The following MPP7 variants were observed in gnomAD, a reference collection of about 807,000 sequenced individuals.
MPP7 encodes the protein MAGUK p55 scaffold protein 7.
MPP7 carries 60 observed loss-of-function variants against 76.5 expected under a neutral mutation model. That is an observed-to-expected ratio of 0.78 (90% CI 0.64 to 0.97). The LOEUF (loss-of-function observed/expected upper bound fraction) is 0.97, where lower values mean the gene tolerates loss of function less well. Among genes scored for constraint, MPP7 ranks in the 50% least tolerant of loss-of-function variants. MPP7 has a pLI of 0.00. For synonymous variants in MPP7, 237 were observed against 244.5 expected (o/e 0.97, Z 0.29); for missense variants, 641 against 694.0 (o/e 0.92, Z 0.86).
chr10:28,155,470 G>A (rs1444598129), intron 3 of MPP7, among the ~76,000 whole-genome samples: 1 of 151,852 alleles, frequency 6.6e-6, no homozygotes, highest in Non-Finnish European at 1.5e-5. Context: ...TACACCTGTA[G>A]TCCCAGCTAC....
chr10:28,147,567 C>G lies in MPP7; in HGVS notation c.235-4G>C. ...TGTTCTGAAGCTCTTCGGCCAGCTG[C>G]AACGGAGATTACATTGACTTAAAGA... On this transcript the variant is annotated splice_region_variant and splice_polypyrimidine_tract_variant and intron_variant, in intron 4 of 16. Transcript: ENST00000683449. 1 of 1,613,618 alleles carries G rather than the reference C, an allele frequency of 6.2e-7. No individual in the cohort carries two copies. The highest frequency in any genetic ancestry group is 1.1e-5 in the South Asian group (1 of 91,072).
intron 11 of MPP7, among the ~76,000 whole-genome samples, chr10:28,107,228 T>C (rs1228218896): frequency 6.6e-6 from 1 of 152,134 alleles, no homozygotes; most frequent in Non-Finnish European, 1.5e-5. Flanking sequence ...CTACCTGGAA[T>C]TACAGCTAAC....
intron 1 of MPP7, among the ~76,000 whole-genome samples, chr10:28,265,445 G>T (rs1219457878): frequency 6.6e-6 from 1 of 152,124 alleles, no homozygotes; most frequent in African/African-American, 2.4e-5. Flanking sequence ...TGTAGTCCCA[G>T]CTGCTTGGGA....
chr10:28,102,699 C>T (rs1853881247), intron 11 of MPP7, among the ~76,000 whole-genome samples: 1 of 152,192 alleles, frequency 6.6e-6, no homozygotes, highest in African/African-American at 2.4e-5. Context: ...ATACACCCAT[C>T]CTTGGTTTGC....
chr10:28,194,991 T>A (rs1837534799), intron 3 of MPP7, among the ~76,000 whole-genome samples: 1 of 152,198 alleles, frequency 6.6e-6, no homozygotes. Context: ...ATCTGTACCA[T>A]CTGCTCAATT....
At chr10:28,129,800 T>C (rs570549369) in intron 6 of MPP7, among the ~76,000 whole-genome samples, 189 of 152,236 alleles carry the variant, frequency 1.2e-3, no homozygotes, top group Admixed American at 2.0e-3. Flanking sequence ...TATAAATCCC[T>C]TGGGATTCAG....
At chr10:28,059,555 A>G (rs1179130297) in intron 14 of MPP7, 95 bp downstream of exon 14, 1 of 697,382 alleles carries the variant, frequency 1.4e-6, no homozygotes, top group East Asian at 2.7e-5. Context: ...TAATTAAAAT[A>G]CACTTCAAAT....
At position 28,125,052 on chromosome 10, in the gene MPP7, T is replaced by C; in HGVS notation, c.487A>G (p.Ile163Val). 6.2e-7 allele frequency: 1 copy of C among 1,614,086 alleles called. No homozygotes were observed. Among genetic ancestry groups the C allele is most frequent in the Non-Finnish European group, 8.5e-7 (1 of 1,179,974 alleles). The change falls in exon 7 of 17, where the codon ATT (isoleucine) becomes GTT (valine). Residue 163 changes from isoleucine to valine, a missense_variant. Ile to Val is a conservative substitution (Grantham distance 29). Coordinates refer to ENST00000683449, the MANE Select transcript of MPP7 (RefSeq NM_001318170.2). ...CCTCCTCTCATGATTCTGGCCACAA[T>C]GATCGCCCCGGTCTGTTCATCCTTC... ...IKKDEQTGAI[I>V]VARIMRGGAA...
At chr10:28,234,583 A>G (rs754545868) in intron 2 of MPP7, among the ~76,000 whole-genome samples, 3 of 152,170 alleles carry the variant, frequency 2.0e-5, no homozygotes, top group Non-Finnish European at 2.9e-5. Context: ...CAACAGTTAT[A>G]AATCGAGTTG....
In MPP7 at chr10:28,146,287, T is replaced by C. The variant is rs918262498; in HGVS notation, c.315+1196A>G. On this transcript the variant is annotated intron_variant, in intron 5 of 16. Coordinates refer to ENST00000683449, the MANE Select transcript of MPP7 (RefSeq NM_001318170.2). The stretch of plus-strand genomic sequence containing the variant: ...AACTTCCTAAACCACTACAAATCAA[T>C]TACCCTCACATCATTAATCATAGCC... Among the ~76,000 whole-genome samples, 6 of 152,208 alleles carry C rather than the reference T, an allele frequency of 3.9e-5. No individual in the cohort carries two copies. In the East Asian group the frequency reaches 1.2e-3, roughly 29 times the overall value.
intron 11 of MPP7, among the ~76,000 whole-genome samples, chr10:28,112,746 T>C (rs1834543193): frequency 6.6e-6 from 1 of 152,242 alleles, no homozygotes; most frequent in South Asian, 2.1e-4. Flanking sequence ...ATTATTACTA[T>C]GTGGAAGGCA....
At chr10:28,143,902 T>TGA (rs1293022936) in intron 5 of MPP7, among the ~76,000 whole-genome samples, 153 of 127,748 alleles carry the variant, frequency 1.2e-3, no homozygotes, top group African/African-American at 2.7e-3. Flanking sequence ...TGTGTGTGTG[T>TGA]GAGACTGAGT....
At chr10:28,284,095 T>G (rs1378157617) in intron 1 of MPP7, among the ~76,000 whole-genome samples, 1 of 152,070 alleles carries the variant, frequency 6.6e-6, no homozygotes, top group African/African-American at 2.4e-5. Context: ...GACACTGAAC[T>G]GAAAACAACT....
At chr10:28,126,541 AAGGT>A (rs1309805451) in intron 6 of MPP7, among the ~76,000 whole-genome samples, 1 of 152,238 alleles carries the variant, frequency 6.6e-6, no homozygotes, top group African/African-American at 2.4e-5. Flanking sequence ...GGACTTGTTT[AAGGT>A]AATCTGACCA....
intron 3 of MPP7, among the ~76,000 whole-genome samples, chr10:28,157,581 G>A (rs1446010547): frequency 2.0e-5 from 3 of 152,238 alleles, no homozygotes; most frequent in African/African-American, 7.2e-5. Flanking sequence ...GGGCATGCCT[G>A]CCAATGCACT....
intron 1 of MPP7, among the ~76,000 whole-genome samples, chr10:28,330,556 C>T (rs753793534): frequency 2.4e-4 from 36 of 152,162 alleles, no homozygotes; most frequent in Non-Finnish European, 5.0e-4. Context: ...CACTCTCTGG[C>T]CTATGCAATA....
At chr10:28,252,682 A>AT (rs5784046) in intron 1 of MPP7, among the ~76,000 whole-genome samples, 39,052 of 151,684 alleles carry the variant, frequency 0.26, 5,514 homozygotes, top group East Asian at 0.54. Flanking sequence ...ACCAGATGAG[A>AT]TTTTTTTTTC....
chr10:28,126,476 A>G (rs2133651671), intron 6 of MPP7, among the ~76,000 whole-genome samples: 1 of 152,360 alleles, frequency 6.6e-6, no homozygotes, highest in South Asian at 2.1e-4. Context: ...GATAAACTGA[A>G]TATTAAATGG....
intron 1 of MPP7, among the ~76,000 whole-genome samples, chr10:28,295,420 A>G (rs947915867): frequency 2.6e-5 from 4 of 152,220 alleles, no homozygotes; most frequent in African/African-American, 9.7e-5. Flanking sequence ...ATCAGAAGCC[A>G]TAATAGGAAG....
Sources: allele counts gnomAD v4.1 joint callset (sites outside exome capture counted in the v4.1 genomes callset), GRCh38; gene constraint gnomAD v4.1.1; transcripts MANE v1.5; gene names NCBI Gene and HGNC (gene_info 2026-07-23, HGNC 2026-07-21).